The following CRACDL variants were observed in gnomAD, a reference collection of about 807,000 sequenced individuals.
CRACDL encodes CRACD like.
Under a neutral mutation model 70.6 loss-of-function variants are expected in CRACDL, and 26 were observed. The observed-to-expected ratio is 0.37, with a 90% CI of 0.27 to 0.51. The LOEUF is 0.51. Among genes scored for constraint, CRACDL ranks in the 20% least tolerant of loss-of-function variants. CRACDL has a pLI of 0.94. For missense variants in CRACDL, 1,283 were observed against 1,376.9 expected (o/e 0.93, Z 1.08); for synonymous variants, 618 against 615.2 (o/e 1.00, Z -0.07).
At chr2:98,798,541 G>A (rs1454422725) in intron 7 of CRACDL, among the ~76,000 whole-genome samples, 2 of 148,356 alleles carry the variant, frequency 1.3e-5, no homozygotes, top group Non-Finnish European at 3.0e-5. Flanking sequence ...TATTTACTGT[G>A]CTTGTCTTTG....
chr2:98,820,319 C>A (rs894532648), intron 7 of CRACDL, among the ~76,000 whole-genome samples: 41 of 151,712 alleles, frequency 2.7e-4, no homozygotes, highest in African/African-American at 9.7e-4. Context: ...CACTTGAGGT[C>A]AGGAGCTCGA....
intron 1 of CRACDL, among the ~76,000 whole-genome samples, chr2:98,879,022 C>A (rs1188576949): frequency 3.3e-5 from 5 of 152,228 alleles, no homozygotes; most frequent in Admixed American, 3.3e-4. Context: ...GCCATTACCA[C>A]CACCCTGGCC....
At chr2:98,870,468 T>C (rs1305347519) in intron 1 of CRACDL, among the ~76,000 whole-genome samples, 1 of 150,918 alleles carries the variant, frequency 6.6e-6, no homozygotes, top group Non-Finnish European at 1.5e-5. Context: ...GTAGTTTATA[T>C]ACATTTGCCC....
chr2:98,891,376 C>CAAAAAAAAAAAAA (rs548988640), intron 1 of CRACDL, among the ~76,000 whole-genome samples: 1,302 of 37,866 alleles, frequency 0.034, 196 homozygotes, highest in Middle Eastern at 0.056. Context: ...GACTCCGTCT[C>CAAAAAAAAAAAAA]AAAAAAAAAA....
At chr2:98,829,982 C>G (rs885115) in intron 5 of CRACDL, among the ~76,000 whole-genome samples, 52,217 of 152,164 alleles carry the variant, frequency 0.34, 9,345 homozygotes, top group African/African-American at 0.43. Context: ...ATAAGCCTGC[C>G]TGAGGCCTCC....
At chr2:98,827,311 T>C in intron 5 of CRACDL, 142 bp from the exon 6 acceptor site, 1 of 625,756 alleles carries the variant, frequency 1.6e-6, no homozygotes, top group Admixed American at 2.8e-5. Context: ...ACTTTCTTTT[T>C]TTTTCCCCCA....
chr2:98,879,527 C>T (rs181326193), intron 1 of CRACDL, among the ~76,000 whole-genome samples: 63 of 152,236 alleles, frequency 4.1e-4, no homozygotes, highest in Non-Finnish European at 8.5e-4. Flanking sequence ...CATTCCAAAT[C>T]ATTCTAGCCT....
At chr2:98,894,653 T>G (rs948491385) in intron 1 of CRACDL, among the ~76,000 whole-genome samples, 6 of 152,080 alleles carry the variant, frequency 3.9e-5, no homozygotes, top group Non-Finnish European at 8.8e-5. Context: ...TCCAACAGCC[T>G]CAACTCCTCA....
At chr2:98,919,562 T>G (rs542203011) in intron 1 of CRACDL, among the ~76,000 whole-genome samples, 51 of 152,336 alleles carry the variant, frequency 3.3e-4, no homozygotes, top group African/African-American at 1.2e-3. Flanking sequence ...CTTCAATGAT[T>G]TCATTTTTAT....
At chr2:98,797,713 T>G (rs1307163033) in intron 7 of CRACDL, among the ~76,000 whole-genome samples, 176 bp from the exon 8 acceptor site, 1 of 152,222 alleles carries the variant, frequency 6.6e-6, no homozygotes, top group Non-Finnish European at 1.5e-5. Context: ...AGAGAGATTA[T>G]GCTCCTCTAG....
chr2:98,930,305 CGTGTCCCCT>C (rs1558644883), intron 1 of CRACDL, among the ~76,000 whole-genome samples: 5 of 120,646 alleles, frequency 4.1e-5, no homozygotes, highest in African/African-American at 1.7e-4. Flanking sequence ...CCCTCTGTAC[CGTGTCCCCT>C]ACCCCATCCC....
chr2:98,799,262 A>G (rs1192882947), intron 7 of CRACDL, among the ~76,000 whole-genome samples: 2 of 152,094 alleles, frequency 1.3e-5, no homozygotes, highest in Admixed American at 6.5e-5. Context: ...TGCAGAGGAT[A>G]TTACTCACTT....
At chr2:98,899,001 G>T (rs1257964821) in intron 1 of CRACDL, among the ~76,000 whole-genome samples, 3 of 152,174 alleles carry the variant, frequency 2.0e-5, no homozygotes, top group African/African-American at 7.2e-5. Flanking sequence ...CCCAGTGATA[G>T]TTCATGGCTA....
chr2:98,844,284 G>A (rs1430155048), intron 2 of CRACDL, among the ~76,000 whole-genome samples: 1 of 152,072 alleles, frequency 6.6e-6, no homozygotes, highest in Non-Finnish European at 1.5e-5. Flanking sequence ...TTATTGCACT[G>A]GCTGGGTGCT....
intron 1 of CRACDL, among the ~76,000 whole-genome samples, chr2:98,934,111 TGGGGG>T (rs749980161): frequency 6.6e-6 from 1 of 152,112 alleles, no homozygotes; most frequent in Non-Finnish European, 1.5e-5. Context: ...TATGAATTTT[TGGGGG>T]GACACAAACA....
chr2:98,828,449 A>G (rs539655491), intron 5 of CRACDL, among the ~76,000 whole-genome samples: 1 of 152,128 alleles, frequency 6.6e-6, no homozygotes, highest in Admixed American at 6.5e-5. Context: ...GAGACAACAC[A>G]CCAGTGCCGT....
chr2:98,838,656 G>C (rs1479686289), intron 2 of CRACDL, among the ~76,000 whole-genome samples: 1 of 152,088 alleles, frequency 6.6e-6, no homozygotes, highest in Admixed American at 6.6e-5. Context: ...GACAGAGCAA[G>C]ACCCTCTCTC....
chr2:98,816,049 G>C, intron 7 of CRACDL, among the ~76,000 whole-genome samples: 1 of 152,176 alleles, frequency 6.6e-6, no homozygotes, highest in Non-Finnish European at 1.5e-5. Flanking sequence ...GCTGGTGGTG[G>C]GGGGGTGCAG....
intron 7 of CRACDL, among the ~76,000 whole-genome samples, chr2:98,803,950 C>A (rs929030649): frequency 6.6e-6 from 1 of 152,120 alleles, no homozygotes; most frequent in Non-Finnish European, 1.5e-5. Context: ...ACACATGGGG[C>A]CACACCACTG....
Sources: gnomAD v4.1 joint callset for allele counts (sites outside exome capture counted in the v4.1 genomes callset) on GRCh38, gnomAD v4.1.1 for gene constraint, MANE v1.5 for transcripts, NCBI Gene and HGNC (gene_info 2026-07-23, HGNC 2026-07-21) for gene names.